Variants in CSMD1 observed in about 807,000 individuals in gnomAD.
CSMD1 encodes the protein CUB and sushi domain-containing protein 1.
A neutral mutation model predicts 417.5 loss-of-function variants in CSMD1; 213 were observed. That is an observed-to-expected ratio of 0.51 (90% CI 0.46 to 0.57). The LOEUF (loss-of-function observed/expected upper bound fraction) is 0.57. Ranked by LOEUF, CSMD1 falls within the 20% of genes least tolerant of loss-of-function variation. The pLI, the probability that CSMD1 is intolerant of heterozygous loss-of-function variation, is 0.00. For synonymous variants in CSMD1, 2,862 were observed against 1,736.8 expected (o/e 1.65, Z -16.11); for missense variants, 6,923 against 4,529.7 (o/e 1.53, Z -15.17).
intron 7 of CSMD1, among the ~76,000 whole-genome samples, chr8:3,664,170 T>G (rs536756324): frequency 3.3e-5 from 5 of 152,292 alleles, no homozygotes; most frequent in African/African-American, 1.2e-4. Context: ...CCCCTAATAC[T>G]ATCCCTACCC....
At chr8:2,990,254 C>T (rs921485212) in intron 54 of CSMD1, among the ~76,000 whole-genome samples, 1 of 152,220 alleles carries the variant, frequency 6.6e-6, no homozygotes, top group African/African-American at 2.4e-5. Flanking sequence ...ATCGCCATTC[C>T]GGTCCTCATA....
intron 5 of CSMD1, among the ~76,000 whole-genome samples, chr8:3,783,989 C>T (rs539434476): frequency 6.6e-6 from 1 of 152,336 alleles, no homozygotes; most frequent in African/African-American, 2.4e-5. Context: ...TCTTCTGGTG[C>T]CTGACCTTTC....
intron 3 of CSMD1, among the ~76,000 whole-genome samples, chr8:4,319,258 C>A (rs968326306): frequency 6.6e-6 from 1 of 152,120 alleles, no homozygotes; most frequent in Non-Finnish European, 1.5e-5. Flanking sequence ...TTTTGCTTTC[C>A]TTCAATTTAT....
chr8:3,948,212 C>CAAT (rs970491332), intron 5 of CSMD1, among the ~76,000 whole-genome samples: 3 of 151,654 alleles, frequency 2.0e-5, no homozygotes, highest in Non-Finnish European at 4.4e-5. Context: ...TAAATAATAA[C>CAAT]AATAATAATA....
At chr8:3,655,454 A>G (rs986310560) in intron 7 of CSMD1, among the ~76,000 whole-genome samples, 1 of 152,218 alleles carries the variant, frequency 6.6e-6, no homozygotes. Context: ...ATTACTCTAC[A>G]TAATTATAAT....
chr8:4,796,925 C>T (rs1798011557), intron 1 of CSMD1, among the ~76,000 whole-genome samples: 1 of 152,168 alleles, frequency 6.6e-6, no homozygotes, highest in Non-Finnish European at 1.5e-5. Flanking sequence ...CTGAGTGTGG[C>T]TGCATGGAGG....
rs541402106 is a variant in CSMD1 at position 4,859,147 on chromosome 8, G to C, written c.85+135185C>G. ...ACTATCTGATCTTTGACAAACCTGA[G>C]AAAAACAAGCAATGGGGAAAGGATT... is the stretch of plus-strand genomic sequence containing the variant. On this transcript the variant is annotated intron_variant, in intron 1 of 69. Transcript: ENST00000635120. 3.4e-3 allele frequency among the ~76,000 whole-genome samples: 518 copies of C among 151,990 alleles called. 3 individuals are homozygous for C. Among genetic ancestry groups the C allele is most frequent in the Middle Eastern group, 0.014 (4 of 294 alleles).
At chr8:4,061,047 G>A (rs1273554130) in intron 3 of CSMD1, among the ~76,000 whole-genome samples, 6 of 121,490 alleles carry the variant, frequency 4.9e-5, no homozygotes, top group East Asian at 4.9e-4. Context: ...AATTTATGAT[G>A]TACAAAATGC....
chr8:4,327,767 A>C (rs1585240378), intron 3 of CSMD1, among the ~76,000 whole-genome samples: 1 of 152,342 alleles, frequency 6.6e-6, no homozygotes, highest in East Asian at 1.9e-4. Context: ...CATTATTTTT[A>C]TTTAATCATA....
At chr8:4,090,041 T>A (rs1296539929) in intron 3 of CSMD1, among the ~76,000 whole-genome samples, 1 of 152,236 alleles carries the variant, frequency 6.6e-6, no homozygotes, top group African/African-American at 2.4e-5. Context: ...TGATATTGAT[T>A]TATCATAGGA....
intron 26 of CSMD1, among the ~76,000 whole-genome samples, chr8:3,275,255 C>G (rs763511272): frequency 6.6e-6 from 1 of 152,152 alleles, no homozygotes. Context: ...TGAATATTGG[C>G]CACCGCTCTC....
chr8:3,769,881 G>A (rs934777221), intron 5 of CSMD1, among the ~76,000 whole-genome samples: 2 of 152,182 alleles, frequency 1.3e-5, no homozygotes, highest in African/African-American at 4.8e-5. Flanking sequence ...TGTCAGAAGG[G>A]ATGTAGCTCT....
intron 5 of CSMD1, among the ~76,000 whole-genome samples, chr8:3,767,265 C>T (rs574294419): frequency 5.9e-5 from 9 of 152,318 alleles, no homozygotes; most frequent in African/African-American, 1.7e-4. Flanking sequence ...GAAAACCAGC[C>T]GCCTTTCTCC....
chr8:3,019,997 G>A (rs1454259071), intron 51 of CSMD1, among the ~76,000 whole-genome samples: 2 of 152,262 alleles, frequency 1.3e-5, no homozygotes, highest in Admixed American at 6.5e-5. Flanking sequence ...GCAGCCTGCA[G>A]TGGCAAACAT....
chr8:3,565,354 T>C (rs978004669), intron 10 of CSMD1, among the ~76,000 whole-genome samples: 8 of 151,962 alleles, frequency 5.3e-5, no homozygotes, highest in African/African-American at 1.5e-4. Flanking sequence ...CACTGTGTCT[T>C]TGCACGGGGA....
At chr8:4,711,108 A>T (rs1485455205) in intron 1 of CSMD1, among the ~76,000 whole-genome samples, 1 of 151,914 alleles carries the variant, frequency 6.6e-6, no homozygotes, top group East Asian at 1.9e-4. Flanking sequence ...ATAGCAAATT[A>T]TTATAAGAGA....
chr8:4,054,651 G>C (rs1419225361), intron 3 of CSMD1, among the ~76,000 whole-genome samples: 1 of 152,090 alleles, frequency 6.6e-6, no homozygotes, highest in Non-Finnish European at 1.5e-5. Context: ...TAATGAACAG[G>C]TCCTTGCACA....
intron 3 of CSMD1, among the ~76,000 whole-genome samples, chr8:4,047,540 C>CATTT (rs1798210752): frequency 6.6e-6 from 1 of 151,850 alleles, no homozygotes; most frequent in East Asian, 1.9e-4. Context: ...TTCATTCATT[C>CATTT]ATTCCACAAA....
Position 4,342,421 on chromosome 8 carries a change from G to C in CSMD1, c.415+77532C>G, listed in dbSNP as rs111460368. Among the ~76,000 whole-genome samples the C allele has an allele frequency of 2.7e-3, 416 of 152,102 alleles. 4 individuals carry two copies. The highest frequency in any genetic ancestry group is 9.5e-3 in the African/African-American group (393 of 41,506). Reference sequence around the variant, plus strand: ...TGTGTGAATAGGTTAATCACTTTCTGAACTGTTGAAAACTATTCTGGCTAT... The same window carrying C: ...TGTGTGAATAGGTTAATCACTTTCTCAACTGTTGAAAACTATTCTGGCTAT... On this transcript the variant is annotated intron_variant, in intron 3 of 69. Transcript: ENST00000635120.
Sources: allele counts gnomAD v4.1 joint callset (sites outside exome capture counted in the v4.1 genomes callset), GRCh38; gene constraint gnomAD v4.1.1; transcripts MANE v1.5; gene names NCBI Gene and HGNC (gene_info 2026-07-23, HGNC 2026-07-21).